HMCN1: variants seen among roughly 807,000 people sequenced by gnomAD.
The protein encoded by HMCN1 is hemicentin 1.
A neutral mutation model predicts 625.9 loss-of-function variants in HMCN1; 321 were observed. That is an observed-to-expected ratio of 0.51 (90% CI 0.47 to 0.56). HMCN1 has a LOEUF of 0.56. Ranked by LOEUF, HMCN1 falls within the 20% of genes least tolerant of loss-of-function variation. The pLI is 0.00. For synonymous variants in HMCN1, 2,425 were observed against 2,417.6 expected (o/e 1.00, Z -0.09); for missense variants, 6,588 against 6,887.3 (o/e 0.96, Z 1.54).
chr1:186,190,547 A>G lies in HMCN1; in HGVS notation c.*669A>G, dbSNP rs577673255. 54 of 202,748 alleles carry G rather than the reference A, an allele frequency of 2.7e-4. No homozygotes were observed. The highest frequency in any genetic ancestry group is 8.7e-4 in the African/African-American group (38 of 43,782). 12.6% of individuals were successfully genotyped at this position (202,748 alleles called of 1,614,324 possible). On this transcript the variant is annotated 3_prime_UTR_variant, in exon 107 of 107. Transcript: ENST00000271588. ...AACCACTTATGATAATAATAATAAAAAAGACTGCTTTGCCCTCACGTCAGT... is the reference window on the plus strand; with the variant it reads ...AACCACTTATGATAATAATAATAAAGAAGACTGCTTTGCCCTCACGTCAGT...
rs1398739899 is a variant in HMCN1 at position 185,822,809 on chromosome 1, A to G, written c.269-23217A>G. 2.6e-5 allele frequency among the ~76,000 whole-genome samples: 4 copies of G among 152,158 alleles called. No homozygotes were observed. The East Asian group carries it at 7.7e-4, about 29-fold the overall frequency. ...AAATTGATAGTGTTTTTCTCAGGAA[A>G]ACATCCCTGTTTTGGGCAGGAAGTA... is the stretch of plus-strand genomic sequence containing the variant. On this transcript the variant is annotated intron_variant, in intron 1 of 106. Transcript: ENST00000271588.
At chr1:185,747,248 T>C (rs1006052493) in intron 1 of HMCN1, among the ~76,000 whole-genome samples, 4 of 152,166 alleles carry the variant, frequency 2.6e-5, no homozygotes, top group African/African-American at 9.7e-5. Flanking sequence ...TCAGTGGCAG[T>C]TATGGAGAAA....
intron 1 of HMCN1, among the ~76,000 whole-genome samples, chr1:185,842,674 TA>T (rs1370336443): frequency 1.3e-5 from 2 of 151,758 alleles, no homozygotes; most frequent in African/African-American, 2.4e-5. Context: ...AAGGCCGCAG[TA>T]AGCTATGACA....
chr1:185,807,092 A>G (rs768074079), intron 1 of HMCN1, among the ~76,000 whole-genome samples: 4 of 152,200 alleles, frequency 2.6e-5, no homozygotes. Flanking sequence ...CTGTGTGTTG[A>G]AGATTATAAT....
At chr1:186,077,826 T>C (rs920145140) in intron 54 of HMCN1, among the ~76,000 whole-genome samples, 2 of 152,210 alleles carry the variant, frequency 1.3e-5, no homozygotes, top group African/African-American at 4.8e-5. Context: ...TAACATTCCC[T>C]AGGAAATATG....
intron 106 of HMCN1, 111 bp from the exon 107 acceptor site, chr1:186,189,401 G>A: frequency 8.9e-7 from 1 of 1,129,862 alleles, no homozygotes; most frequent in Non-Finnish European, 1.3e-6. Flanking sequence ...TTACAGCCAG[G>A]CTGCCTACTG....
At chr1:186,148,243 C>T (rs1650448026) in intron 93 of HMCN1, among the ~76,000 whole-genome samples, 1 of 152,148 alleles carries the variant, frequency 6.6e-6, no homozygotes, top group South Asian at 2.1e-4. Flanking sequence ...CAATTCAGTC[C>T]CATCTTTAGG....
At chr1:186,129,859 G>A in intron 83 of HMCN1, 107 bp from the exon 84 acceptor site, 1 of 1,337,638 alleles carries the variant, frequency 7.5e-7, no homozygotes, top group Non-Finnish European at 1.1e-6. Flanking sequence ...CATCTCTTTG[G>A]TTCAATTGCT....
At chr1:185,810,860 A>T (rs1425842708) in intron 1 of HMCN1, among the ~76,000 whole-genome samples, 1 of 152,158 alleles carries the variant, frequency 6.6e-6, no homozygotes, top group East Asian at 1.9e-4. Flanking sequence ...CAGCTGGGTG[A>T]TGGTTTTATA....
chr1:186,110,977 C>CTTTTTCTTTTTTTTTTTTTTT (rs1660848196), intron 71 of HMCN1, among the ~76,000 whole-genome samples: 3 of 61,648 alleles, frequency 4.9e-5, no homozygotes, highest in African/African-American at 2.9e-4. Context: ...AGAGAAAATT[C>CTTTTTCTTTTTTTTTTTTTTT]TTTTTTTTTT....
chr1:186,151,340 C>T lies in HMCN1; in HGVS notation c.14749C>T (p.Arg4917Cys), dbSNP rs777793313. 2.5e-6 allele frequency: 4 copies of T among 1,613,018 alleles called. No homozygotes were observed. Among genetic ancestry groups the T allele is most frequent in the African/African-American group, 1.3e-5 (1 of 75,024 alleles). ...IIRAKITNVP[R>C]SLGSAMRKIV... ...ACGTGCCAAAATTACCAATGTACCT[C>T]GTAGTCTTGGTAAGTCTTTGCCTCA... The change falls in exon 94 of 107, where the codon CGT (arginine) becomes TGT (cysteine). Residue 4917 changes from arginine to cysteine, a missense_variant. This residue lies in a region of HMCN1 where 1,954 missense variants were observed against 2,013.1 expected (regional missense o/e 0.97). Transcript: ENST00000271588.
At chr1:186,142,092 A>G (rs771107916) in intron 89 of HMCN1, among the ~76,000 whole-genome samples, 5 of 152,074 alleles carry the variant, frequency 3.3e-5, no homozygotes, top group Non-Finnish European at 5.9e-5. Context: ...TGTACAGATT[A>G]TTTTGTCACC....
chr1:185,885,017 GA>G (rs1664546765), intron 4 of HMCN1, among the ~76,000 whole-genome samples: 1 of 151,054 alleles, frequency 6.6e-6, no homozygotes, highest in Admixed American at 6.6e-5. Flanking sequence ...TAATTAAAAA[GA>G]AAAATTACAT....
At chr1:185,780,241 T>A (rs960766240) in intron 1 of HMCN1, among the ~76,000 whole-genome samples, 5 of 152,230 alleles carry the variant, frequency 3.3e-5, no homozygotes, top group East Asian at 1.9e-4. Context: ...CTTAAGGAGA[T>A]TTTGGGCTGA....
intron 30 of HMCN1, among the ~76,000 whole-genome samples, chr1:186,013,189 A>C (rs1466629643): frequency 6.6e-6 from 1 of 152,212 alleles, no homozygotes; most frequent in African/African-American, 2.4e-5. Context: ...TAGACAATAT[A>C]TAAATGAATG....
chr1:185,779,851 A>C (rs1312077212), intron 1 of HMCN1, among the ~76,000 whole-genome samples: 2 of 152,188 alleles, frequency 1.3e-5, no homozygotes, highest in Non-Finnish European at 2.9e-5. Context: ...GTTCCATATG[A>C]ACTTTAAAGT....
chr1:186,137,249 A>G (rs899364153), intron 87 of HMCN1, among the ~76,000 whole-genome samples: 1 of 152,168 alleles, frequency 6.6e-6, no homozygotes, highest in African/African-American at 2.4e-5. Context: ...CAGTTTGTAA[A>G]CTTGTTGGTC....
chr1:185,924,581 A>G (rs57450844), intron 8 of HMCN1, among the ~76,000 whole-genome samples: 3,156 of 152,126 alleles, frequency 0.021, 92 homozygotes, highest in African/African-American at 0.072. Context: ...ATATTTCCTC[A>G]TATACGATAT....
At chr1:186,033,295 G>A (rs766835958) in intron 36 of HMCN1, among the ~76,000 whole-genome samples, 29 of 152,088 alleles carry the variant, frequency 1.9e-4, no homozygotes, top group Non-Finnish European at 3.2e-4. Context: ...GGATTCAGGG[G>A]GAAGTGTGAT....
Sources: gnomAD v4.1 joint callset for allele counts (sites outside exome capture counted in the v4.1 genomes callset) on GRCh38, gnomAD v4.1.1 for gene constraint, gnomAD v4.1.1 regional missense constraint, MANE v1.5 for transcripts, NCBI Gene and HGNC (gene_info 2026-07-23, HGNC 2026-07-21) for gene names.